MAP6: variants seen among roughly 807,000 people sequenced by gnomAD.
MAP6 encodes the protein microtubule-associated protein 6.
In MAP6, 26 loss-of-function variants were observed where a neutral mutation model predicts 42.4. The observed-to-expected ratio is 0.61, with a 90% confidence interval of 0.45 to 0.85. MAP6 has a LOEUF of 0.85. MAP6 is among the 40% of genes least tolerant of loss of function. The pLI, the probability that MAP6 is intolerant of heterozygous loss-of-function variation, is 0.00. For synonymous variants in MAP6, 418 were observed against 443.8 expected, an observed-to-expected ratio of 0.94 and a Z score of 0.73; for missense variants, 966 against 1,099.0, an observed-to-expected ratio of 0.88 and a Z score of 1.71.
chr11:75,621,291 C>T (rs192474005), intron 1 of MAP6, among the ~76,000 whole-genome samples: 4 of 151,740 alleles, frequency 2.6e-5, no homozygotes, highest in Non-Finnish European at 5.9e-5. Flanking sequence ...ACCTTGCCAA[C>T]ATAATGAAAC....
chr11:75,668,448 A>G lies in MAP6; in HGVS notation c.-79T>C. ...CTCTATAATCTTCCTTCAGCCTCCG[A>G]TCCTGACCGGCCAATGTGGTTCCCA... On this transcript the variant is annotated 5_prime_UTR_variant, in exon 1 of 4. Coordinates refer to ENST00000304771, the MANE Select transcript of MAP6 (RefSeq NM_033063.2). 1 of 1,455,790 alleles carries G rather than the reference A, an allele frequency of 6.9e-7. No homozygotes were observed. The highest frequency in any genetic ancestry group is 9.1e-7 in the Non-Finnish European group (1 of 1,104,492). The allele number at this position is 1,455,790 out of a possible 1,614,324, so 90.2% of individuals were successfully genotyped here. A position where few individuals can be genotyped will look rare whatever the true frequency, so the allele number is the denominator to read the frequency against.
At chr11:75,603,677 A>T in intron 3 of MAP6, 1 of 985,316 alleles carries the variant, frequency 1.0e-6, no homozygotes, top group Non-Finnish European at 1.2e-6. Flanking sequence ...GGTCATAGGG[A>T]TCAAGTCATG....
intron 3 of MAP6, among the ~76,000 whole-genome samples, chr11:75,592,302 A>G (rs1942494291): frequency 6.6e-6 from 1 of 152,240 alleles, no homozygotes; most frequent in Non-Finnish European, 1.5e-5. Flanking sequence ...CCCCTGCTAG[A>G]CAGAGAGCTC....
intron 1 of MAP6, among the ~76,000 whole-genome samples, chr11:75,618,748 T>G (rs1943049352): frequency 6.6e-6 from 1 of 152,224 alleles, no homozygotes; most frequent in Admixed American, 6.5e-5. Flanking sequence ...ATCTGGTCCC[T>G]GCCCTGGCCA....
At chr11:75,629,237 G>A (rs968676278) in intron 1 of MAP6, among the ~76,000 whole-genome samples, 1 of 152,108 alleles carries the variant, frequency 6.6e-6, no homozygotes, top group Admixed American at 6.6e-5. Context: ...ACATGCATGT[G>A]CCACAATGCC....
chr11:75,667,482 T>A lies in MAP6; in HGVS notation c.888A>T (p.Ala296=). 6.6e-7 allele frequency: 1 copy of A among 1,509,300 alleles called. No homozygotes were observed. The highest frequency in any genetic ancestry group is 8.8e-7 in the Non-Finnish European group (1 of 1,137,558). 93.5% of individuals were successfully genotyped at this position (1,509,300 alleles called of 1,614,324 possible). ...CGTCTCACCTGTAGGAGCTGCTCAC[T>A]GCACTCGCCACCTCCTCGCGGATTT... is the stretch of plus-strand genomic sequence containing the variant. The part of the protein sequence containing the change: ...NRQIREEVAS[A]VSSSYRNEFR... The change falls in exon 1 of 4, where the codon GCA becomes GCT. Residue 296 remains alanine, a synonymous_variant. Transcript: ENST00000304771. The surrounding 1 kb of genome is among the most constrained non-coding windows in gnomAD (Gnocchi z 5.6).
Position 75,667,491 on chromosome 11 carries a change from C to A in MAP6, c.879G>T (p.Val293=). The A allele has an allele frequency of 6.6e-7, 1 of 1,510,202 alleles. No homozygotes were observed. Among genetic ancestry groups the A allele is most frequent in the East Asian group, 2.8e-5 (1 of 36,122 alleles). The allele number at this position is 1,510,202 out of a possible 1,614,324, so 93.6% of individuals were successfully genotyped here. ...TGTAGGAGCTGCTCACTGCACTCGC[C>A]ACCTCCTCGCGGATTTGCCGGTTGA... is the stretch of plus-strand genomic sequence containing the variant. ...DALNRQIREE[V]ASAVSSSYRN... Residue 293 remains valine, a synonymous_variant, in exon 1 of 4, where the codon GTG becomes GTT. Coordinates refer to ENST00000304771, the MANE Select transcript of MAP6 (RefSeq NM_033063.2). This position sits in a 1 kb window ranked among gnomAD's most constrained non-coding sequence, Gnocchi z 5.6.
chr11:75,657,267 C>T (rs971815134), intron 1 of MAP6, among the ~76,000 whole-genome samples: 8 of 152,116 alleles, frequency 5.3e-5, no homozygotes, highest in African/African-American at 1.4e-4. Context: ...CCCACCACCA[C>T]GCCCAGCTAA....
At chr11:75,663,448 A>G (rs565849763) in intron 1 of MAP6, among the ~76,000 whole-genome samples, 1 of 152,336 alleles carries the variant, frequency 6.6e-6, no homozygotes, top group East Asian at 1.9e-4. Flanking sequence ...ATGTAGAAAA[A>G]TAAAATTTTC....
At chr11:75,657,142 C>T (rs1303003593) in intron 1 of MAP6, among the ~76,000 whole-genome samples, 9 of 145,620 alleles carry the variant, frequency 6.2e-5, no homozygotes, top group Admixed American at 1.4e-4. Flanking sequence ...GACGGAGTCT[C>T]GCTCTGTCGC....
At chr11:75,615,858 T>C (rs761112435) in intron 1 of MAP6, among the ~76,000 whole-genome samples, 11 of 151,022 alleles carry the variant, frequency 7.3e-5, no homozygotes, top group African/African-American at 2.7e-4. Context: ...CGGGAGATAC[T>C]GAAAGAGCAA....
In MAP6 at chr11:75,668,222, G is replaced by T. The variant is rs750087400; in HGVS notation, c.148C>A (p.Gln50Lys). The T allele has an allele frequency of 5.8e-6, 8 of 1,376,734 alleles. No homozygotes were observed. Among genetic ancestry groups the T allele is most frequent in the Non-Finnish European group, 7.5e-6 (8 of 1,068,990 alleles). The allele number at this position is 1,376,734 out of a possible 1,614,324, so 85.3% of individuals were successfully genotyped here. The change falls in exon 1 of 4, where the codon CAG (glutamine) becomes AAG (lysine). Residue 50 changes from glutamine (Q) to lysine (K), a missense_variant. This residue lies in a region of MAP6 where 943 missense variants were observed against 1,049.9 expected (regional missense o/e 0.90). Transcript: ENST00000304771. ...GCGAGCGCCGGCTGCGCCTGCTGCT[G>T]CGGCGGCGGTGGCTGCGGCGGGGCG... ...PGAPPQPPPP[Q>K]QQAQPALAPP...
chr11:75,601,052 G>T (rs1014673411), intron 3 of MAP6, among the ~76,000 whole-genome samples: 7 of 152,218 alleles, frequency 4.6e-5, no homozygotes, highest in Non-Finnish European at 1.0e-4. Flanking sequence ...GGCAGCAGAG[G>T]GGAGCATGGT....
rs1293530007 is a variant in MAP6, at chr11:75,587,788, C to T, written c.1713G>A (p.Lys571=). 6.2e-7 allele frequency: 1 copy of T among 1,613,566 alleles called. No homozygotes were observed. The highest frequency in any genetic ancestry group is 1.7e-5 in the Admixed American group (1 of 59,978). ...GTGCTGGGACCATAGGAGCTTGATT[C>T]TTCACAGGCTCAGGAATCCTAGGAC... The part of the protein sequence containing the change: ...DQGPRIPEPV[K]NQAPMVPAPV... Residue 571 remains lysine (K), a synonymous_variant, in exon 4 of 4, where the codon AAG becomes AAA. Coordinates refer to ENST00000304771, the MANE Select transcript of MAP6 (RefSeq NM_033063.2).
intron 1 of MAP6, among the ~76,000 whole-genome samples, chr11:75,655,808 A>G (rs1377287961): frequency 6.6e-6 from 1 of 152,246 alleles, no homozygotes; most frequent in Non-Finnish European, 1.5e-5. Context: ...GAGCTGCACA[A>G]GCAAGACACA....
chr11:75,666,213 C>T (rs146263968), intron 1 of MAP6, among the ~76,000 whole-genome samples: 2 of 152,190 alleles, frequency 1.3e-5, no homozygotes, highest in African/African-American at 4.8e-5. Context: ...CGAGAGACCC[C>T]AAATGCAATG....
intron 2 of MAP6, chr11:75,607,275 A>C (rs1359089838): frequency 1.4e-5 from 14 of 985,352 alleles, no homozygotes; most frequent in Non-Finnish European, 1.6e-5. Context: ...TTAGGACAAA[A>C]GCAGAGAAAA....
intron 1 of MAP6, among the ~76,000 whole-genome samples, chr11:75,613,837 C>T (rs527365937): frequency 1.9e-3 from 283 of 152,316 alleles, no homozygotes; most frequent in African/African-American, 6.5e-3. Context: ...CTTCAACCCC[C>T]TACTAAGGGA....
In MAP6 at chr11:75,587,319, C is replaced by T. The variant is rs1047390305; in HGVS notation, c.2182G>A (p.Gly728Ser). The T allele has an allele frequency of 6.2e-7, 1 of 1,614,136 alleles. No individual in the cohort carries two copies. Among genetic ancestry groups the T allele is most frequent in the Non-Finnish European group, 8.5e-7 (1 of 1,180,016 alleles). The change falls in exon 4 of 4, where the codon GGC becomes AGC. Residue 728 changes from glycine to serine, a missense_variant. This residue lies in a region of MAP6 where 943 missense variants were observed against 1,049.9 expected (regional missense o/e 0.90). Coordinates refer to ENST00000304771, the MANE Select transcript of MAP6 (RefSeq NM_033063.2). Reference sequence around the variant, plus strand: ...TTTGGAGGCTGTAGGACTGTGGGGCCTTGATCCTTAACTAGTACTGGGAGA... The same window carrying T: ...TTTGGAGGCTGTAGGACTGTGGGGCTTTGATCCTTAACTAGTACTGGGAGA... ...PILPVLVKDQ[G>S]PTVLQPPKNQ...
Sources: allele counts gnomAD v4.1 joint callset (sites outside exome capture counted in the v4.1 genomes callset), GRCh38; gene constraint gnomAD v4.1.1; regional missense constraint gnomAD v4.1.1; non-coding constraint Gnocchi (gnomAD v3.1); transcripts MANE v1.5; gene names NCBI Gene and HGNC (gene_info 2026-07-23, HGNC 2026-07-21).